Variants in CPQ observed in about 807,000 individuals in gnomAD.
The protein encoded by CPQ is carboxypeptidase Q.
Under a neutral mutation model 45.7 loss-of-function variants are expected in CPQ, and 37 were observed. That is an observed-to-expected ratio of 0.81 (90% CI 0.62 to 1.07). The LOEUF (loss-of-function observed/expected upper bound fraction) is 1.07, where lower values mean the gene tolerates loss of function less well. Ranked by LOEUF, CPQ falls within the 50% of genes least tolerant of loss-of-function variation. CPQ has a pLI of 0.00. For synonymous variants in CPQ, 186 were observed against 205.8 expected (o/e 0.90, Z 0.82); for missense variants, 537 against 572.9 (o/e 0.94, Z 0.64).
chr8:97,084,424 A>G (rs998703135), intron 7 of CPQ, among the ~76,000 whole-genome samples: 1 of 152,232 alleles, frequency 6.6e-6, no homozygotes, highest in South Asian at 2.1e-4. Context: ...AAGGTGTCCT[A>G]TTTCTCAACT....
intron 5 of CPQ, among the ~76,000 whole-genome samples, chr8:96,985,968 G>T (rs1808966857): frequency 6.6e-6 from 1 of 152,156 alleles, no homozygotes; most frequent in Admixed American, 6.5e-5. Flanking sequence ...CTTGAAACTG[G>T]TTCATAGAGT....
At chr8:96,681,457 C>T (rs1238876982) in intron 1 of CPQ, among the ~76,000 whole-genome samples, 1 of 152,290 alleles carries the variant, frequency 6.6e-6, no homozygotes, top group African/African-American at 2.4e-5. Context: ...TGTAGGTACA[C>T]AGAAGTCAAG....
chr8:97,053,136 CA>C (rs1401554310), intron 6 of CPQ, among the ~76,000 whole-genome samples: 2 of 152,156 alleles, frequency 1.3e-5, no homozygotes, highest in Non-Finnish European at 2.9e-5. Context: ...TTCACATATA[CA>C]AATATACACA....
chr8:96,847,325 A>T (rs760184010), intron 3 of CPQ, among the ~76,000 whole-genome samples: 1 of 152,170 alleles, frequency 6.6e-6, no homozygotes, highest in South Asian at 2.1e-4. Flanking sequence ...ATGTTTTTCT[A>T]ATTCAATTAT....
intron 1 of CPQ, among the ~76,000 whole-genome samples, chr8:96,710,348 AGTTAT>A (rs1488462960): frequency 2.0e-5 from 3 of 151,892 alleles, no homozygotes; most frequent in Non-Finnish European, 4.4e-5. Context: ...AATTTCATTT[AGTTAT>A]GTTCTGATCT....
rs7828452 is a variant in CPQ at position 96,839,951 on chromosome 8, T to A, written c.641+4771T>A. Among the ~76,000 whole-genome samples, 605 of 152,050 alleles carry A rather than the reference T, an allele frequency of 4.0e-3. 3 individuals carry two copies. Among genetic ancestry groups the A allele is most frequent in the African/African-American group, 0.014 (586 of 41,486 alleles). On this transcript the variant is annotated intron_variant, in intron 3 of 7. Transcript: ENST00000220763. ...GAAGGAGAGACAGGTTCAGAATGAT[T>A]AATGGCTTATCATGCTACACATCTA...
intron 1 of CPQ, among the ~76,000 whole-genome samples, chr8:96,673,618 G>C (rs577029037): frequency 6.6e-6 from 1 of 152,142 alleles, no homozygotes; most frequent in African/African-American, 2.4e-5. Flanking sequence ...GGAAGTCAGT[G>C]TGAATTGGCC....
intron 1 of CPQ, among the ~76,000 whole-genome samples, chr8:96,683,798 G>T (rs1349485959): frequency 6.9e-6 from 1 of 144,218 alleles, no homozygotes; most frequent in Non-Finnish European, 1.5e-5. Context: ...ATGTTCAGCA[G>T]TTCTTTTCTG....
At position 96,686,793 on chromosome 8, in the gene CPQ, C is replaced by T. The variant is rs546160041; in HGVS notation, c.-35+41391C>T. ...GTTTCTTAAAAATTTGTCAGTATTCCGCTAGTGAAACCAACTATGTGTTGA... is the reference window on the plus strand; with the variant it reads ...GTTTCTTAAAAATTTGTCAGTATTCTGCTAGTGAAACCAACTATGTGTTGA... On this transcript the variant is annotated intron_variant, in intron 1 of 7. Coordinates refer to ENST00000220763, the MANE Select transcript of CPQ (RefSeq NM_016134.4). Among the ~76,000 whole-genome samples, 6 of 151,956 alleles carry T rather than the reference C, an allele frequency of 3.9e-5. No individual in the cohort carries two copies. In the South Asian group the frequency reaches 8.3e-4, roughly 21 times the overall value.
intron 1 of CPQ, among the ~76,000 whole-genome samples, chr8:96,736,268 A>G (rs114094176): frequency 0.024 from 3,615 of 152,250 alleles, 120 homozygotes; most frequent in African/African-American, 0.069. Flanking sequence ...TTGAGGTTCT[A>G]TGGTCAGATG....
intron 2 of CPQ, among the ~76,000 whole-genome samples, chr8:96,807,224 T>G (rs1811090552): frequency 6.6e-6 from 1 of 151,190 alleles, no homozygotes; most frequent in Non-Finnish European, 1.5e-5. Flanking sequence ...AAACTGCTGT[T>G]TTTTTTTTAA....
At chr8:96,725,836 G>A (rs967770635) in intron 1 of CPQ, among the ~76,000 whole-genome samples, 1 of 152,074 alleles carries the variant, frequency 6.6e-6, no homozygotes, top group African/African-American at 2.4e-5. Context: ...AATCAACCTA[G>A]GTGCCCATCA....
chr8:96,901,038 G>C (rs542660430), intron 4 of CPQ, among the ~76,000 whole-genome samples: 1 of 152,040 alleles, frequency 6.6e-6, no homozygotes, highest in South Asian at 2.1e-4. Context: ...TTCCTTGAGC[G>C]CAGGACTCTT....
intron 6 of CPQ, among the ~76,000 whole-genome samples, chr8:97,047,521 T>C (rs753610328): frequency 5.9e-5 from 9 of 152,252 alleles, no homozygotes; most frequent in Non-Finnish European, 1.2e-4. Flanking sequence ...TGTGTAACCA[T>C]GCAGACATCA....
intron 4 of CPQ, among the ~76,000 whole-genome samples, chr8:96,932,483 TCATC>T (rs1362634626): frequency 6.6e-6 from 1 of 152,224 alleles, no homozygotes; most frequent in Non-Finnish European, 1.5e-5. Context: ...TAGCTCTAGT[TCATC>T]CATTTTAATT....
intron 4 of CPQ, among the ~76,000 whole-genome samples, chr8:96,931,529 C>G (rs1360058829): frequency 6.6e-6 from 1 of 152,086 alleles, no homozygotes; most frequent in African/African-American, 2.4e-5. Flanking sequence ...CTAGGATCAC[C>G]TAGGCTGGGT....
chr8:96,804,188 GC>G (rs1241831039), intron 2 of CPQ, among the ~76,000 whole-genome samples: 1 of 152,204 alleles, frequency 6.6e-6, no homozygotes, highest in Admixed American at 6.5e-5. Flanking sequence ...GACTGGAGGA[GC>G]AAGTTCACAG....
At chr8:96,682,658 TTC>T (rs1809167210) in intron 1 of CPQ, among the ~76,000 whole-genome samples, 1 of 152,240 alleles carries the variant, frequency 6.6e-6, no homozygotes, top group Non-Finnish European at 1.5e-5. Context: ...AATTGTTATA[TTC>T]TCTTTCTGAA....
At chr8:96,845,363 T>C (rs1174883657) in intron 3 of CPQ, among the ~76,000 whole-genome samples, 1 of 152,228 alleles carries the variant, frequency 6.6e-6, no homozygotes, top group Non-Finnish European at 1.5e-5. Flanking sequence ...ACCTAGGAGA[T>C]TGCTGGCACA....
Sources: allele counts gnomAD v4.1 joint callset (sites outside exome capture counted in the v4.1 genomes callset), GRCh38; gene constraint gnomAD v4.1.1; transcripts MANE v1.5; gene names NCBI Gene and HGNC (gene_info 2026-07-23, HGNC 2026-07-21).